Variants in OPN5 observed in about 807,000 individuals in gnomAD.
OPN5 encodes opsin-5.
In OPN5, 18 loss-of-function variants were observed where a neutral mutation model predicts 41.7. The ratio of observed to expected loss-of-function variants is 0.43; its 90% CI spans 0.30 to 0.64. The LOEUF (loss-of-function observed/expected upper bound fraction) is 0.64. Among genes scored for constraint, OPN5 ranks in the 30% least tolerant of loss-of-function variants. The pLI is 0.13. For missense variants in OPN5, 318 were observed against 434.5 expected (o/e 0.73, Z 2.38); for synonymous variants, 178 against 164.3 (o/e 1.08, Z -0.64).
At chr6:47,788,345 A>G (rs1183570067) in intron 2 of OPN5, among the ~76,000 whole-genome samples, 1 of 152,220 alleles carries the variant, frequency 6.6e-6, no homozygotes, top group Non-Finnish European at 1.5e-5. Context: ...TTCCAGCTAC[A>G]TCCTTCATCG....
At chr6:47,786,569 A>G (rs1369913407) in exon 2 of OPN5, 2 of 1,611,380 alleles carry the variant, frequency 1.2e-6, no homozygotes, top group East Asian at 4.5e-5. Flanking sequence ...TCTAGACGAA[A>G]GAAGAAGCTG....
At chr6:47,784,054 A>G (rs778092309) in intron 1 of OPN5, among the ~76,000 whole-genome samples, 2 of 152,186 alleles carry the variant, frequency 1.3e-5, no homozygotes, top group African/African-American at 2.4e-5. Context: ...GTCCACAATC[A>G]TATTCCAGTG....
At chr6:47,819,840 G>A (rs1762547147) in intron 6 of OPN5, among the ~76,000 whole-genome samples, 1 of 152,158 alleles carries the variant, frequency 6.6e-6, no homozygotes, top group Non-Finnish European at 1.5e-5. Context: ...TCATTACAGT[G>A]AGAATATGAT....
At chr6:47,822,595 T>C (rs1321085965) in intron 6 of OPN5, among the ~76,000 whole-genome samples, 1 of 152,156 alleles carries the variant, frequency 6.6e-6, no homozygotes, top group Non-Finnish European at 1.5e-5. Flanking sequence ...GAGTAGTTGG[T>C]TGGAATTTGT....
At chr6:47,797,581 TA>T (rs1213242008) in intron 4 of OPN5, among the ~76,000 whole-genome samples, 1 of 152,246 alleles carries the variant, frequency 6.6e-6, no homozygotes, top group Non-Finnish European at 1.5e-5. Flanking sequence ...TGCTTTTCAG[TA>T]GTTTATGGAA....
intron 3 of OPN5, among the ~76,000 whole-genome samples, chr6:47,792,748 G>T (rs1402482933): frequency 6.6e-6 from 1 of 152,156 alleles, no homozygotes; most frequent in Non-Finnish European, 1.5e-5. Context: ...TCTGGATAAA[G>T]TTGCTTTGAT....
chr6:47,819,139 C>T (rs770202219), intron 6 of OPN5, among the ~76,000 whole-genome samples: 25 of 150,994 alleles, frequency 1.7e-4, no homozygotes, highest in Non-Finnish European at 3.4e-4. Flanking sequence ...ATTTGTTTGT[C>T]AAAAAAATTT....
rs1561902865 is a variant in OPN5, at chr6:47,811,687, AC to A, written c.1014del (p.Thr339GlnfsTer27). On this transcript the variant is annotated frameshift_variant, in exon 6 of 7. Coordinates refer to ENST00000371211, the Ensembl canonical transcript of OPN5. LOFTEE classifies it high-confidence loss of function. ...TCCTATATCTAGGCTGCACACCGTAACCACAGTCAGGAAGTCTTCTGCTGTG... is the reference window on the plus strand; with the variant it reads ...TCCTATATCTAGGCTGCACACCGTAACACAGTCAGGAAGTCTTCTGCTGTG... 1 of 1,612,396 alleles carries A rather than the reference AC, an allele frequency of 6.2e-7. No individual in the cohort carries two copies. The highest frequency in any genetic ancestry group is 2.2e-5 in the East Asian group (1 of 44,842).
chr6:47,797,017 A>T (rs1471672698), intron 4 of OPN5, among the ~76,000 whole-genome samples: 1 of 152,198 alleles, frequency 6.6e-6, no homozygotes, highest in African/African-American at 2.4e-5. Flanking sequence ...TAGAACCATC[A>T]GATCTTGTGA....
chr6:47,804,362 T>TTAGA (rs1030139659), intron 4 of OPN5, among the ~76,000 whole-genome samples: 20 of 152,254 alleles, frequency 1.3e-4, no homozygotes, highest in Admixed American at 3.9e-4. Context: ...GGAGCCTGTG[T>TTAGA]TAGAACTGGC....
chr6:47,789,238 A>T (rs1044473473), intron 2 of OPN5, among the ~76,000 whole-genome samples: 1 of 151,974 alleles, frequency 6.6e-6, no homozygotes. Context: ...CTTCTTTCCC[A>T]CTGATTTAGG....
intron 6 of OPN5, among the ~76,000 whole-genome samples, chr6:47,822,696 A>T (rs991459945): frequency 1.3e-5 from 2 of 152,236 alleles, no homozygotes; most frequent in African/African-American, 4.8e-5. Context: ...CAAGAAGGGC[A>T]GTGTAGTTCC....
intron 6 of OPN5, among the ~76,000 whole-genome samples, chr6:47,818,716 G>A (rs748120968): frequency 4.4e-4 from 67 of 152,204 alleles, no homozygotes; most frequent in Admixed American, 1.6e-3. Flanking sequence ...AGCTATTTTC[G>A]GTATTGTTAG....
chr6:47,782,292 T>G, intron 1 of OPN5, 96 bp downstream of exon 1: 1 of 1,220,918 alleles, frequency 8.2e-7, no homozygotes, highest in Non-Finnish European at 1.2e-6. Flanking sequence ...CTTAAGTGGA[T>G]AGTTTAGTGG....
At chr6:47,816,093 T>C (rs1444997943) in intron 6 of OPN5, among the ~76,000 whole-genome samples, 1 of 152,148 alleles carries the variant, frequency 6.6e-6, no homozygotes, top group Admixed American at 6.6e-5. Flanking sequence ...GGTTTTAACA[T>C]TGGCCACATC....
chr6:47,818,458 T>C (rs1176401903), intron 6 of OPN5, among the ~76,000 whole-genome samples: 1 of 152,226 alleles, frequency 6.6e-6, no homozygotes, highest in African/African-American at 2.4e-5. Flanking sequence ...TCTCTAAATA[T>C]AGGACTGGGC....
intron 6 of OPN5, among the ~76,000 whole-genome samples, chr6:47,812,394 A>C (rs1442306378): frequency 6.6e-6 from 1 of 152,216 alleles, no homozygotes; most frequent in Non-Finnish European, 1.5e-5. Flanking sequence ...TGGATGTAAC[A>C]GGGCATTATG....
chr6:47,791,216 AC>A (rs945990239), intron 2 of OPN5, among the ~76,000 whole-genome samples: 14 of 152,162 alleles, frequency 9.2e-5, no homozygotes, highest in African/African-American at 3.4e-4. Context: ...ACCAGCATTA[AC>A]TGATTCCATG....
At chr6:47,816,181 C>G (rs114096643) in intron 6 of OPN5, among the ~76,000 whole-genome samples, 1,899 of 152,222 alleles carry the variant, frequency 0.012, 43 homozygotes, top group African/African-American at 0.043. Flanking sequence ...ACACTGTCCT[C>G]AATGTTTGGA....
Sources: gnomAD v4.1 joint callset for allele counts (sites outside exome capture counted in the v4.1 genomes callset) on GRCh38, gnomAD v4.1.1 for gene constraint, MANE v1.5 for transcripts, NCBI Gene and HGNC (gene_info 2026-07-23, HGNC 2026-07-21) for gene names.